GRB2: variants seen among roughly 807,000 people sequenced by gnomAD.
The protein encoded by GRB2 is growth factor receptor bound protein 2.
GRB2 carries 2 observed loss-of-function variants against 27.4 expected under a neutral mutation model. The ratio of observed to expected loss-of-function variants is 0.07; its 90% CI spans 0.03 to 0.23. The LOEUF (loss-of-function observed/expected upper bound fraction) is 0.23, where lower values mean the gene tolerates loss of function less well. GRB2 is among the 10% of genes least tolerant of loss of function. The probability of loss-of-function intolerance (pLI) is 1.00; values close to 1 mark genes in which losing one functional copy is unlikely to be tolerated. For synonymous variants in GRB2, 94 were observed against 99.6 expected (o/e 0.94, Z 0.33); for missense variants, 102 against 282.4 (o/e 0.36, Z 4.58).
intron 2 of GRB2, among the ~76,000 whole-genome samples, chr17:75,357,082 A>G (rs1050667984): frequency 5.9e-5 from 9 of 152,226 alleles, no homozygotes; most frequent in Admixed American, 1.3e-4. Flanking sequence ...GGATTACTGC[A>G]GTGGCTTCCT....
At chr17:75,349,294 C>T (rs2078674065) in intron 2 of GRB2, among the ~76,000 whole-genome samples, 1 of 152,080 alleles carries the variant, frequency 6.6e-6, no homozygotes, top group Non-Finnish European at 1.5e-5. Flanking sequence ...CTGGATGTGG[C>T]TCAATCAAGC....
At chr17:75,404,637 G>T (rs1254347647) in intron 1 of GRB2, among the ~76,000 whole-genome samples, 6 of 151,850 alleles carry the variant, frequency 4.0e-5, no homozygotes, top group Admixed American at 2.6e-4. Flanking sequence ...GAGAAGGAAG[G>T]AAATAACTGG....
At chr17:75,337,889 CTACTACTACTACTAT>C (rs1163721780) in intron 2 of GRB2, among the ~76,000 whole-genome samples, 2 of 125,414 alleles carry the variant, frequency 1.6e-5, no homozygotes, top group South Asian at 5.4e-4. Flanking sequence ...ACTACTACTA[CTACTACTACTACTAT>C]TATTATTATT....
At chr17:75,376,258 T>C (rs1302647748) in intron 2 of GRB2, among the ~76,000 whole-genome samples, 3 of 147,270 alleles carry the variant, frequency 2.0e-5, no homozygotes, top group Non-Finnish European at 3.0e-5. Context: ...GGCAGGAGAA[T>C]TGCTTGAACC....
intron 1 of GRB2, among the ~76,000 whole-genome samples, chr17:75,398,755 T>C (rs2079044902): frequency 6.6e-6 from 1 of 152,130 alleles, no homozygotes; most frequent in Non-Finnish European, 1.5e-5. Context: ...TTTATTTTTA[T>C]TTATTTTTTG....
chr17:75,364,433 T>C (rs2078806550), intron 2 of GRB2, among the ~76,000 whole-genome samples: 2 of 152,158 alleles, frequency 1.3e-5, no homozygotes, highest in African/African-American at 4.8e-5. Flanking sequence ...ATAGGTACTA[T>C]AACCATTTTA....
chr17:75,394,366 C>A (rs1443532085), intron 1 of GRB2: 1 of 152,226 alleles, frequency 6.6e-6, no homozygotes, highest in Non-Finnish European at 1.5e-5. Context: ...CTTTTTCAAT[C>A]CATTTACTGC....
At chr17:75,360,925 G>A (rs998187829) in intron 2 of GRB2, among the ~76,000 whole-genome samples, 18 of 151,712 alleles carry the variant, frequency 1.2e-4, no homozygotes, top group Middle Eastern at 3.2e-3. Flanking sequence ...GTGCTGCCAC[G>A]CCCAGCTAAT....
At chr17:75,357,217 C>G (rs1023167068) in intron 2 of GRB2, among the ~76,000 whole-genome samples, 1 of 152,102 alleles carries the variant, frequency 6.6e-6, no homozygotes, top group Non-Finnish European at 1.5e-5. Context: ...TTATTTCTCA[C>G]TCTACACTGA....
Position 75,320,358 on chromosome 17 carries a change from T to C in GRB2, c.*10A>G. The C allele has an allele frequency of 1.2e-6, 2 of 1,609,060 alleles. No individual in the cohort carries two copies. Among genetic ancestry groups the C allele is most frequent in the African/African-American group, 1.3e-5 (1 of 74,896 alleles). ...TTTTTCACTTTCTTTAAATAATTGC[T>C]TCTTGACTCTTAGACGTTCCGGTTC... On this transcript the variant is annotated 3_prime_UTR_variant, in exon 6 of 6. Coordinates refer to ENST00000316804, the MANE Select transcript of GRB2 (RefSeq NM_002086.5). This position sits in a 1 kb window ranked among gnomAD's most constrained non-coding sequence, Gnocchi z 4.3.
At chr17:75,334,115 C>T (rs983226420) in intron 2 of GRB2, among the ~76,000 whole-genome samples, 1 of 152,134 alleles carries the variant, frequency 6.6e-6, no homozygotes, top group African/African-American at 2.4e-5. Flanking sequence ...TCTAGATATG[C>T]TATGCTTTTT....
intron 2 of GRB2, among the ~76,000 whole-genome samples, chr17:75,354,896 G>T (rs1221564934): frequency 6.6e-6 from 1 of 152,224 alleles, no homozygotes; most frequent in African/African-American, 2.4e-5. Flanking sequence ...GCCGGGCACA[G>T]TTCATGCTTG....
chr17:75,387,981 G>T (rs2078975529), intron 2 of GRB2, among the ~76,000 whole-genome samples: 1 of 152,090 alleles, frequency 6.6e-6, no homozygotes, highest in Non-Finnish European at 1.5e-5. Flanking sequence ...GGAAATGAAA[G>T]TTCATTCTCA....
At chr17:75,343,080 G>A (rs971653639) in intron 2 of GRB2, among the ~76,000 whole-genome samples, 2 of 139,592 alleles carry the variant, frequency 1.4e-5, no homozygotes, top group Non-Finnish European at 3.1e-5. Flanking sequence ...AGATTGGGAA[G>A]GAGTGGGGGT....
intron 2 of GRB2, among the ~76,000 whole-genome samples, chr17:75,362,666 G>GT (rs2078791620): frequency 6.6e-6 from 1 of 152,120 alleles, no homozygotes; most frequent in Non-Finnish European, 1.5e-5. Flanking sequence ...TAGGTACATG[G>GT]TTTTTGCCTT....
At chr17:75,379,959 T>C (rs2078917293) in intron 2 of GRB2, among the ~76,000 whole-genome samples, 1 of 152,284 alleles carries the variant, frequency 6.6e-6, no homozygotes, top group Admixed American at 6.5e-5. Flanking sequence ...AGAAAGCATA[T>C]AACATTACTT....
chr17:75,384,923 C>T (rs867977952), intron 2 of GRB2, among the ~76,000 whole-genome samples: 12 of 145,644 alleles, frequency 8.2e-5, no homozygotes, highest in Middle Eastern at 7.5e-3. Flanking sequence ...AGAGGCCGGG[C>T]GCGGTAGCTC....
In GRB2 at chr17:75,383,256, A is replaced by C. The variant is rs374625473; in HGVS notation, c.78+10295T>G. Among the ~76,000 whole-genome samples the C allele has an allele frequency of 3.4e-3, 523 of 152,302 alleles. 5 individuals are homozygous for C. Among genetic ancestry groups the C allele is most frequent in the African/African-American group, 0.012 (504 of 41,556 alleles). On this transcript the variant is annotated intron_variant, in intron 2 of 5. Coordinates refer to ENST00000316804, the MANE Select transcript of GRB2 (RefSeq NM_002086.5). ...ACAGAAACTTACAAAAGAGGCCCCC[A>C]GTAGGACACAGCATAGGTATCCATC...
chr17:75,388,631 G>A (rs1004386220), intron 2 of GRB2, among the ~76,000 whole-genome samples: 6 of 151,644 alleles, frequency 4.0e-5, no homozygotes, highest in African/African-American at 7.3e-5. Context: ...TTTGGAGATG[G>A]GGTCTCGCTT....
Sources: allele counts gnomAD v4.1 joint callset (sites outside exome capture counted in the v4.1 genomes callset), GRCh38; gene constraint gnomAD v4.1.1; non-coding constraint Gnocchi (gnomAD v3.1); transcripts MANE v1.5; gene names NCBI Gene and HGNC (gene_info 2026-07-23, HGNC 2026-07-21).